CBLB: variants seen among roughly 807,000 people sequenced by gnomAD.
CBLB encodes the protein E3 ubiquitin-protein ligase CBL-B.
CBLB carries 31 observed loss-of-function variants against 104.9 expected under a neutral mutation model. The observed-to-expected ratio is 0.30, with a 90% confidence interval of 0.22 to 0.40. The LOEUF (loss-of-function observed/expected upper bound fraction) is 0.40, where lower values mean the gene tolerates loss of function less well. Ranked by LOEUF, CBLB falls within the 10% of genes least tolerant of loss-of-function variation. CBLB has a pLI of 1.00. For synonymous variants in CBLB, 440 were observed against 422.6 expected, an observed-to-expected ratio of 1.04 and a Z score of -0.51; for missense variants, 1,062 against 1,214.6, an observed-to-expected ratio of 0.87 and a Z score of 1.87.
rs184085810 is a variant in CBLB at position 105,818,344 on chromosome 3, G to A, written c.419+35070C>T. Among the ~76,000 whole-genome samples the A allele has an allele frequency of 3.9e-5, 6 of 152,108 alleles. No individual in the cohort carries two copies. The East Asian group carries it at 5.8e-4, about 15-fold the overall frequency. ...ATACATCCACACTGATAAAAAGAAG[G>A]CTTGAGACATAAAATCTCCAGGTAC... On this transcript the variant is annotated intron_variant, in intron 3 of 18. Coordinates refer to ENST00000394030, the MANE Select transcript of CBLB (RefSeq NM_170662.5).
intron 2 of CBLB, among the ~76,000 whole-genome samples, chr3:105,857,983 G>C (rs967736979): frequency 6.6e-6 from 1 of 152,164 alleles, no homozygotes; most frequent in Non-Finnish European, 1.5e-5. Context: ...CTAGGCAAAG[G>C]AGTGTGCTAA....
chr3:105,673,897 G>A (rs914527017), intron 17 of CBLB: 3 of 152,126 alleles, frequency 2.0e-5, no homozygotes, highest in African/African-American at 7.2e-5. Context: ...TCTTCTCTGA[G>A]CCAATTCTCA....
At chr3:105,846,408 T>C (rs1319275708) in intron 3 of CBLB, among the ~76,000 whole-genome samples, 2 of 152,056 alleles carry the variant, frequency 1.3e-5, no homozygotes, top group Non-Finnish European at 2.9e-5. Context: ...AGACAAACCT[T>C]CTTAAGATTC....
At chr3:105,783,623 A>G (rs2080572332) in intron 3 of CBLB, among the ~76,000 whole-genome samples, 1 of 152,180 alleles carries the variant, frequency 6.6e-6, no homozygotes, top group Non-Finnish European at 1.5e-5. Context: ...CCTATACCCA[A>G]TGAATTTAAG....
At chr3:105,794,914 G>C (rs1230285752) in intron 3 of CBLB, among the ~76,000 whole-genome samples, 1 of 150,814 alleles carries the variant, frequency 6.6e-6, no homozygotes, top group Admixed American at 6.6e-5. Context: ...TTGAATAATG[G>C]CAACTTTTTT....
intron 17 of CBLB, among the ~76,000 whole-genome samples, chr3:105,675,752 G>A (rs2065553183): frequency 6.6e-6 from 1 of 151,866 alleles, no homozygotes; most frequent in Non-Finnish European, 1.5e-5. Context: ...GAGTGTAGTG[G>A]TGCACACCTG....
chr3:105,751,348 A>G (rs1469678843), intron 5 of CBLB, 114 bp downstream of exon 5: 5 of 783,564 alleles, frequency 6.4e-6, no homozygotes, highest in Non-Finnish European at 1.1e-5. Context: ...ACTATTTTCC[A>G]TATGTTTGTT....
chr3:105,866,563 AT>A (rs1345646056), intron 2 of CBLB, among the ~76,000 whole-genome samples: 3 of 152,224 alleles, frequency 2.0e-5, no homozygotes, highest in Admixed American at 6.5e-5. Flanking sequence ...AAAAAGAATT[AT>A]TAATTTTTGC....
chr3:105,806,800 A>T (rs971243247), intron 3 of CBLB, among the ~76,000 whole-genome samples: 15 of 152,240 alleles, frequency 9.9e-5, no homozygotes, highest in African/African-American at 3.4e-4. Context: ...CTGGTCAATA[A>T]TATGGAATAC....
At chr3:105,675,770 A>G (rs2065555802) in intron 17 of CBLB, among the ~76,000 whole-genome samples, 1 of 151,578 alleles carries the variant, frequency 6.6e-6, no homozygotes, top group Non-Finnish European at 1.5e-5. Flanking sequence ...CTGTAATCCC[A>G]GCTACTTAGG....
In CBLB at chr3:105,795,836, C is replaced by T. The variant is rs867753737; in HGVS notation, c.420-19294G>A. On this transcript the variant is annotated intron_variant, in intron 3 of 18. Transcript: ENST00000394030. The stretch of plus-strand genomic sequence containing the variant: ...TCGGCTCACTGCAACCTCTGCCTCC[C>T]GGGTTCAAGCAATTCTCCTGCCTCA... Among the ~76,000 whole-genome samples, 9 of 152,120 alleles carry T rather than the reference C, an allele frequency of 5.9e-5. 1 individual carries two copies. Among genetic ancestry groups the T allele is most frequent in the Non-Finnish European group, 1.0e-4 (7 of 67,998 alleles).
intron 2 of CBLB, 77 bp from the exon 3 acceptor site, chr3:105,853,741 C>A: frequency 3.1e-6 from 3 of 975,132 alleles, no homozygotes; most frequent in South Asian, 3.1e-5. Flanking sequence ...AGAACCATGT[C>A]CTATTTCTTC....
chr3:105,709,263 T>A (rs1235823435), intron 10 of CBLB, among the ~76,000 whole-genome samples: 2 of 151,920 alleles, frequency 1.3e-5, no homozygotes, highest in African/African-American at 4.8e-5. Flanking sequence ...CAACAAATGA[T>A]AACAAGAAAA....
At chr3:105,821,030 A>G (rs896051913) in intron 3 of CBLB, among the ~76,000 whole-genome samples, 1 of 152,166 alleles carries the variant, frequency 6.6e-6, no homozygotes, top group South Asian at 2.1e-4. Flanking sequence ...GTGAGGTACC[A>G]TAAGAGACAA....
chr3:105,746,061 G>T (rs1323442981), intron 5 of CBLB, 23 bp from the exon 6 acceptor site: 1 of 1,495,654 alleles, frequency 6.7e-7, no homozygotes, highest in Non-Finnish European at 9.3e-7. Context: ...AAAATTAAAA[G>T]AGATTAGTAT....
intron 6 of CBLB, among the ~76,000 whole-genome samples, chr3:105,741,771 G>C (rs1242516931): frequency 6.6e-6 from 1 of 151,910 alleles, no homozygotes; most frequent in African/African-American, 2.4e-5. Context: ...CACCCGCCTC[G>C]GCATCCCAAA....
chr3:105,689,816 T>G (rs903533426), intron 13 of CBLB, among the ~76,000 whole-genome samples: 2 of 152,000 alleles, frequency 1.3e-5, no homozygotes, highest in Admixed American at 1.3e-4. Flanking sequence ...TACTTAAAAT[T>G]TTATATTTAT....
At chr3:105,816,241 CTTGT>C (rs905224719) in intron 3 of CBLB, among the ~76,000 whole-genome samples, 1 of 152,044 alleles carries the variant, frequency 6.6e-6, no homozygotes, top group African/African-American at 2.4e-5. Context: ...GTCATCTGAT[CTTGT>C]TTTTCTCTTT....
intron 3 of CBLB, among the ~76,000 whole-genome samples, chr3:105,842,567 A>T (rs2089705024): frequency 6.6e-6 from 1 of 152,228 alleles, no homozygotes; most frequent in South Asian, 2.1e-4. Context: ...GGAGTGACCC[A>T]GTGGCTTAAA....
Sources: allele counts gnomAD v4.1 joint callset (sites outside exome capture counted in the v4.1 genomes callset), GRCh38; gene constraint gnomAD v4.1.1; transcripts MANE v1.5; gene names NCBI Gene and HGNC (gene_info 2026-07-23, HGNC 2026-07-21).